Variants in DOCK3 observed in about 807,000 individuals in gnomAD.
DOCK3 encodes dedicator of cytokinesis 3, also known as dedicator of cytokinesis protein 3.
A neutral mutation model predicts 265.6 loss-of-function variants in DOCK3; 60 were observed. The observed-to-expected ratio is 0.23, with a 90% CI of 0.18 to 0.28. The LOEUF is 0.28. Among genes scored for constraint, DOCK3 ranks in the 10% least tolerant of loss-of-function variants. DOCK3 has a pLI of 1.00. For synonymous variants in DOCK3, 881 were observed against 938.0 expected (o/e 0.94, Z 1.11); for missense variants, 1,981 against 2,594.3 (o/e 0.76, Z 5.14).
intron 12 of DOCK3, among the ~76,000 whole-genome samples, chr3:51,161,769 G>A (rs1450755234): frequency 6.6e-6 from 1 of 152,162 alleles, no homozygotes; most frequent in Non-Finnish European, 1.5e-5. Context: ...TTAAAAGAAT[G>A]ATCATGAGTC....
chr3:50,939,202 A>C (rs1675931598), intron 5 of DOCK3, among the ~76,000 whole-genome samples: 1 of 152,132 alleles, frequency 6.6e-6, no homozygotes, highest in South Asian at 2.1e-4. Context: ...GAAAACCATA[A>C]ATTGTCAAAA....
intron 7 of DOCK3, among the ~76,000 whole-genome samples, chr3:51,080,065 A>G (rs1386802885): frequency 1.3e-5 from 2 of 152,216 alleles, no homozygotes; most frequent in African/African-American, 2.4e-5. Context: ...CAGTAATTGT[A>G]TATGCTTCAT....
chr3:50,777,775 C>A (rs534228437), intron 1 of DOCK3, among the ~76,000 whole-genome samples: 3 of 152,024 alleles, frequency 2.0e-5, no homozygotes, highest in Non-Finnish European at 4.4e-5. Context: ...GTTCCTGAGA[C>A]CTTACTTTAC....
rs1237124285 is a variant in DOCK3, at chr3:51,358,008, C to T, written c.4815C>T (p.His1605=). Residue 1605 remains histidine (H), a synonymous_variant, in exon 46 of 53, where the codon CAC becomes CAT. Transcript: ENST00000266037. ...VGLAVHEKFV[H]PEMRPLHKKL... ...TAGCAGTTCATGAGAAGTTTGTGCA[C>T]CCAGAAATGCGGCCTCTGCATAAGA... The T allele has an allele frequency of 6.2e-7, 1 of 1,613,970 alleles. No homozygotes were observed. Among genetic ancestry groups the T allele is most frequent in the Non-Finnish European group, 8.5e-7 (1 of 1,179,890 alleles).
intron 6 of DOCK3, among the ~76,000 whole-genome samples, chr3:51,065,807 C>A (rs1386385730): frequency 6.6e-6 from 1 of 152,164 alleles, no homozygotes; most frequent in East Asian, 1.9e-4. Context: ...CTCTACAATT[C>A]TTCTGCTATC....
chr3:50,702,864 G>T (rs1046189904), intron 1 of DOCK3, among the ~76,000 whole-genome samples: 2 of 151,956 alleles, frequency 1.3e-5, no homozygotes, highest in African/African-American at 4.8e-5. Context: ...CTCTAGCTAG[G>T]ATCTCCAGTA....
chr3:51,326,005 T>C (rs997214840), intron 32 of DOCK3, among the ~76,000 whole-genome samples: 1 of 150,856 alleles, frequency 6.6e-6, no homozygotes, highest in Middle Eastern at 3.2e-3. Context: ...GGCACAGGTA[T>C]ACCTATGTAA....
At chr3:51,345,670 A>G (rs1221280324) in intron 38 of DOCK3, among the ~76,000 whole-genome samples, 1 of 152,100 alleles carries the variant, frequency 6.6e-6, no homozygotes, top group South Asian at 2.1e-4. Flanking sequence ...CACACACAAC[A>G]ACAACAAAAA....
At chr3:51,105,924 C>G (rs1177578957) in intron 9 of DOCK3, among the ~76,000 whole-genome samples, 2 of 152,198 alleles carry the variant, frequency 1.3e-5, no homozygotes, top group African/African-American at 4.8e-5. Flanking sequence ...ACAATCTGCT[C>G]TTGCCACAGG....
At chr3:51,253,875 C>G (rs2079398775) in intron 22 of DOCK3, among the ~76,000 whole-genome samples, 1 of 151,706 alleles carries the variant, frequency 6.6e-6, no homozygotes, top group Non-Finnish European at 1.5e-5. Flanking sequence ...CAGTTCTGCT[C>G]TTAGTTATTT....
At chr3:50,904,448 C>T (rs888673067) in intron 4 of DOCK3, among the ~76,000 whole-genome samples, 3 of 152,112 alleles carry the variant, frequency 2.0e-5, no homozygotes, top group Non-Finnish European at 2.9e-5. Flanking sequence ...TTTTAATGAT[C>T]GCCATTCTAA....
chr3:50,847,025 C>T (rs957991589), intron 3 of DOCK3, among the ~76,000 whole-genome samples: 2 of 151,960 alleles, frequency 1.3e-5, no homozygotes, highest in Non-Finnish European at 2.9e-5. Flanking sequence ...CTTCTGCTAT[C>T]TTTGGGGTTA....
intron 12 of DOCK3, among the ~76,000 whole-genome samples, chr3:51,204,080 A>T (rs1232518434): frequency 1.4e-5 from 2 of 147,236 alleles, no homozygotes; most frequent in Admixed American, 6.8e-5. Context: ...AAACCTAGGC[A>T]TTACCATTCA....
intron 4 of DOCK3, among the ~76,000 whole-genome samples, chr3:50,924,848 A>T (rs1458709318): frequency 6.6e-6 from 1 of 152,214 alleles, no homozygotes; most frequent in Non-Finnish European, 1.5e-5. Context: ...TTTACAGGAC[A>T]CTGGGGACAA....
At chr3:51,039,403 T>C (rs955874863) in intron 5 of DOCK3, among the ~76,000 whole-genome samples, 1 of 152,208 alleles carries the variant, frequency 6.6e-6, no homozygotes, top group South Asian at 2.1e-4. Context: ...AGTGTGAGAG[T>C]TCCTCTGGGA....
intron 4 of DOCK3, among the ~76,000 whole-genome samples, chr3:50,916,113 G>A (rs2050106536): frequency 6.6e-6 from 1 of 151,986 alleles, no homozygotes; most frequent in South Asian, 2.1e-4. Flanking sequence ...ACATGGTGTC[G>A]GCTCCTTCTC....
intron 38 of DOCK3, among the ~76,000 whole-genome samples, chr3:51,344,279 G>A (rs923210438): frequency 2.0e-5 from 3 of 152,324 alleles, no homozygotes; most frequent in Middle Eastern, 3.4e-3. Flanking sequence ...CCCTAAGTCA[G>A]TACAACTTTT....
At chr3:51,267,874 A>T (rs1400223054) in intron 23 of DOCK3, among the ~76,000 whole-genome samples, 2 of 152,230 alleles carry the variant, frequency 1.3e-5, no homozygotes, top group African/African-American at 4.8e-5. Context: ...CATCATTCTC[A>T]GTCAACTAAC....
At chr3:51,332,818 C>A (rs991040159) in intron 33 of DOCK3, among the ~76,000 whole-genome samples, 183 bp from the exon 34 acceptor site, 2 of 152,232 alleles carry the variant, frequency 1.3e-5, no homozygotes, top group African/African-American at 4.8e-5. Context: ...ACCTCAACTA[C>A]TCCTTTAGAA....
Sources: allele counts gnomAD v4.1 joint callset (sites outside exome capture counted in the v4.1 genomes callset), GRCh38; gene constraint gnomAD v4.1.1; transcripts MANE v1.5; gene names NCBI Gene and HGNC (gene_info 2026-07-23, HGNC 2026-07-21).